Variants in RBFOX1 observed in about 807,000 individuals in gnomAD.
The protein encoded by RBFOX1 is RNA binding protein fox-1 homolog 1.
In RBFOX1, 8 loss-of-function variants were observed where a neutral mutation model predicts 57.7. The observed-to-expected ratio is 0.14, with a 90% confidence interval of 0.08 to 0.25. The LOEUF is 0.25. RBFOX1 is among the 10% of genes least tolerant of loss of function. The pLI is 1.00. For missense variants in RBFOX1, 611 were observed against 548.5 expected (o/e 1.11, Z -1.14); for synonymous variants, 326 against 222.4 (o/e 1.47, Z -4.15).
chr16:5,498,452 A>C (rs1232483549), intron 2 of RBFOX1, among the ~76,000 whole-genome samples: 2 of 152,226 alleles, frequency 1.3e-5, no homozygotes, highest in East Asian at 1.9e-4. Flanking sequence ...GGGAAATTCT[A>C]ATTGGCAGCA....
At chr16:6,069,618 T>G (rs2152481275) in intron 1 of RBFOX1, among the ~76,000 whole-genome samples, 1 of 152,314 alleles carries the variant, frequency 6.6e-6, no homozygotes, top group African/African-American at 2.4e-5. Flanking sequence ...TTCCGCAAAC[T>G]TAGTTATTTT....
At chr16:7,589,541 C>T (rs1051426080) in intron 7 of RBFOX1, among the ~76,000 whole-genome samples, 3 of 151,674 alleles carry the variant, frequency 2.0e-5, no homozygotes, top group African/African-American at 7.3e-5. Flanking sequence ...TCCAAAATAG[C>T]CTCTCTCGGT....
In RBFOX1 at chr16:7,557,572, A is replaced by C. The variant is rs946675247; in HGVS notation, c.271-22205A>C. Among the ~76,000 whole-genome samples, 88 of 132,338 alleles carry C rather than the reference A, an allele frequency of 6.6e-4. 1 individual carries two copies. The highest frequency in any genetic ancestry group is 2.3e-3 in the African/African-American group (80 of 34,900). The allele number at this position is 132,338 out of a possible 152,430, so 86.8% of individuals were successfully genotyped here. A position where few individuals can be genotyped will look rare whatever the true frequency, so the allele number is the denominator to read the frequency against. On this transcript the variant is annotated intron_variant, in intron 5 of 15. Transcript: ENST00000550418. The stretch of plus-strand genomic sequence containing the variant: ...GAGGCAGAGGTTTCAGTGAGCCAAG[A>C]CTGTACCACTGCACTCCAGCCTGGG...
intron 3 of RBFOX1, among the ~76,000 whole-genome samples, chr16:6,856,400 C>T (rs1361703407): frequency 6.6e-6 from 1 of 152,110 alleles, no homozygotes; most frequent in African/African-American, 2.4e-5. Context: ...CTGTTTGAGG[C>T]TAGGATTTAG....
intron 2 of RBFOX1, among the ~76,000 whole-genome samples, chr16:5,507,169 G>A (rs767947090): frequency 2.6e-5 from 4 of 152,168 alleles, no homozygotes; most frequent in South Asian, 2.1e-4. Flanking sequence ...AAACAAATTC[G>A]GGTGTGTGAA....
intron 1 of RBFOX1, among the ~76,000 whole-genome samples, chr16:6,187,329 G>T (rs2097111633): frequency 6.6e-6 from 1 of 152,002 alleles, no homozygotes; most frequent in African/African-American, 2.4e-5. Flanking sequence ...GAGTAGAGGA[G>T]GGATATTTTA....
At chr16:5,795,344 C>T (rs2054841721) in intron 3 of RBFOX1, among the ~76,000 whole-genome samples, 1 of 151,896 alleles carries the variant, frequency 6.6e-6, no homozygotes, top group African/African-American at 2.4e-5. Context: ...TACTCTGTTA[C>T]CCTGGCTGGA....
chr16:7,698,256 G>C (rs2079458873), intron 14 of RBFOX1, among the ~76,000 whole-genome samples: 1 of 151,738 alleles, frequency 6.6e-6, no homozygotes, highest in Admixed American at 6.6e-5. Context: ...CTAGCAGGAA[G>C]ATATGCCCCT....
chr16:7,536,527 G>A (rs2081510195), intron 5 of RBFOX1, among the ~76,000 whole-genome samples: 1 of 152,214 alleles, frequency 6.6e-6, no homozygotes, highest in Non-Finnish European at 1.5e-5. Flanking sequence ...TCAGGAGGCG[G>A]AGGTTGCAGT....
chr16:7,685,757 G>A (rs1425098272), intron 14 of RBFOX1, among the ~76,000 whole-genome samples: 1 of 152,046 alleles, frequency 6.6e-6, no homozygotes, highest in Admixed American at 6.6e-5. Context: ...AAGACACACT[G>A]TAACACTAAC....
chr16:6,774,117 A>G (rs915156912), intron 3 of RBFOX1: 1 of 628,808 alleles, frequency 1.6e-6, no homozygotes. Context: ...TTTGTAAAAT[A>G]CCAAGTTATC....
intron 4 of RBFOX1, among the ~76,000 whole-genome samples, chr16:7,502,962 G>C (rs12596954): frequency 0.049 from 7,496 of 152,150 alleles, 282 homozygotes; most frequent in East Asian, 0.14. Context: ...CACTGAGGTT[G>C]CAGTGAGCTG....
chr16:7,207,492 A>C (rs1395496605), intron 4 of RBFOX1, among the ~76,000 whole-genome samples: 2 of 152,174 alleles, frequency 1.3e-5, no homozygotes, highest in African/African-American at 2.4e-5. Context: ...ACTGGCCCCT[A>C]GCACAGTGCC....
chr16:7,380,816 G>T (rs2097771499), intron 4 of RBFOX1, among the ~76,000 whole-genome samples: 5 of 152,326 alleles, frequency 3.3e-5, no homozygotes, highest in Middle Eastern at 6.8e-3. Flanking sequence ...GAGAAATTCA[G>T]ATTTCATAGA....
At position 5,327,710 on chromosome 16, in the gene RBFOX1, C is replaced by G. The variant is rs57520082; in HGVS notation, c.219+87605C>G. On this transcript the variant is annotated intron_variant, in intron 1 of 2. Coordinates refer to the RBFOX1 transcript ENST00000585867. ...GCATCCCCCTCCCCGATTCCCTGGC[C>G]TCAGCAGTGAGCTGCCCTACTTTGC... Among the ~76,000 whole-genome samples, 1,198 of 152,308 alleles carry G rather than the reference C, an allele frequency of 7.9e-3. 17 individuals carry two copies. Among genetic ancestry groups the G allele is most frequent in the African/African-American group, 0.027 (1,134 of 41,564 alleles).
In RBFOX1 at chr16:6,871,497, C is replaced by G. The variant is rs191194444; in HGVS notation, c.-15-180560C>G. Among the ~76,000 whole-genome samples, 302 of 152,088 alleles carry G rather than the reference C, an allele frequency of 2.0e-3. 1 individual carries two copies. The highest frequency in any genetic ancestry group is 0.01 in the Middle Eastern group (3 of 294). ...CACCGTGCCCGGCCTCAAAATCACT[C>G]TTGACTCTTTCCTCTCCCTTATCCC... On this transcript the variant is annotated intron_variant, in intron 3 of 15. Coordinates refer to ENST00000550418, the MANE Select transcript of RBFOX1 (RefSeq NM_018723.4).
chr16:6,936,687 G>C (rs1299818636), intron 3 of RBFOX1, among the ~76,000 whole-genome samples: 1 of 152,122 alleles, frequency 6.6e-6, no homozygotes, highest in Non-Finnish European at 1.5e-5. Context: ...AAGGCTGAGA[G>C]AGGATAGCAT....
rs569932984 is a variant in RBFOX1 at position 5,593,161 on chromosome 16, A to G, written c.259-5741A>G. On this transcript the variant is annotated intron_variant, in intron 2 of 2. Transcript: ENST00000585867. ...ATACACCATGGGATACTGTGCAGCC[A>G]TAAAAAAGGATGAGTTCATGTCCTT... 3.2e-4 allele frequency among the ~76,000 whole-genome samples: 48 copies of G among 152,370 alleles called. No individual in the cohort carries two copies. The South Asian group carries it at 8.5e-3, about 27-fold the overall frequency.
At chr16:5,666,663 T>G (rs1202336283) in intron 3 of RBFOX1, among the ~76,000 whole-genome samples, 1 of 152,204 alleles carries the variant, frequency 6.6e-6, no homozygotes, top group East Asian at 1.9e-4. Context: ...GCAGCCACTT[T>G]AGATAGATAA....
Sources: gnomAD v4.1 joint callset for allele counts (sites outside exome capture counted in the v4.1 genomes callset) on GRCh38, gnomAD v4.1.1 for gene constraint, MANE v1.5 for transcripts, NCBI Gene and HGNC (gene_info 2026-07-23, HGNC 2026-07-21) for gene names.